Variants in GUSB observed in about 807,000 individuals in gnomAD.
GUSB encodes glucuronidase beta, also known as beta-glucuronidase.
A neutral mutation model predicts 74.6 loss-of-function variants in GUSB; 51 were observed. That is an observed-to-expected ratio of 0.68 (90% CI 0.55 to 0.86). The LOEUF is 0.86. Ranked by LOEUF, GUSB falls within the 40% of genes least tolerant of loss-of-function variation. The probability of loss-of-function intolerance (pLI) is 0.00; values close to 1 mark genes in which losing one functional copy is unlikely to be tolerated. For synonymous variants in GUSB, 360 were observed against 348.3 expected (o/e 1.03, Z -0.37); for missense variants, 736 against 853.7 (o/e 0.86, Z 1.72).
rs1258230012 is a variant in GUSB, at chr7:65,965,941, C to T, written c.1654-1483G>A. 5.9e-5 allele frequency among the ~76,000 whole-genome samples: 9 copies of T among 152,128 alleles called. No individual in the cohort carries two copies. The South Asian group carries it at 6.2e-4, about 10-fold the overall frequency. On this transcript the variant is annotated intron_variant, in intron 10 of 11. Transcript: ENST00000304895. ...ATCCCAGCACTTTGGGAGGCCAAGG[C>T]GGGCGGATCACTTGAGGTCAGGAGT...
intron 9 of GUSB, among the ~76,000 whole-genome samples, chr7:65,969,558 G>A (rs1429313880): frequency 2.6e-5 from 4 of 151,922 alleles, no homozygotes; most frequent in East Asian, 3.9e-4. Flanking sequence ...TTAGCTAGGC[G>A]CAGTGGTGAA....
intron 10 of GUSB, among the ~76,000 whole-genome samples, 157 bp from the exon 11 acceptor site, chr7:65,964,615 G>A (rs1213478307): frequency 6.6e-6 from 1 of 151,916 alleles, no homozygotes; most frequent in African/African-American, 2.4e-5. Flanking sequence ...AAGACAGCCA[G>A]GGAATGATGT....
chr7:65,974,845 G>A, intron 6 of GUSB, 74 bp downstream of exon 6: 1 of 1,568,788 alleles, frequency 6.4e-7, no homozygotes, highest in Non-Finnish European at 8.8e-7. Flanking sequence ...GCCCTCAACT[G>A]CAGGACACAG....
chr7:65,966,388 G>C (rs1583895897), intron 10 of GUSB, among the ~76,000 whole-genome samples: 1 of 152,040 alleles, frequency 6.6e-6, no homozygotes, highest in African/African-American at 2.4e-5. Context: ...AGCTGGCTGG[G>C]GTGGGAATGA....
intron 11 of GUSB, among the ~76,000 whole-genome samples, chr7:65,961,616 T>C (rs182012880): frequency 6.2e-4 from 94 of 152,294 alleles, no homozygotes; most frequent in African/African-American, 2.2e-3. Context: ...ACGCCTGTAA[T>C]CCCAGTGCTT....
In GUSB at chr7:65,979,238, G is replaced by A. The variant is rs57096373; in HGVS notation, c.724+161C>T. 358 of 806,632 alleles carry A rather than the reference G, an allele frequency of 4.4e-4. 1 individual carries two copies. The African/African-American group carries it at 5.1e-3, about 12-fold the overall frequency. 50.0% of individuals were successfully genotyped at this position (806,632 alleles called of 1,614,324 possible). A position where few individuals can be genotyped will look rare whatever the true frequency, so the allele number is the denominator to read the frequency against. ...ACCACACGGGTGATTTTGGGAGCCC[G>A]TATCCGCTCACACAGGCTGAATTTT... is the stretch of plus-strand genomic sequence containing the variant. On this transcript the variant is annotated intron_variant, in intron 4 of 11. Transcript: ENST00000304895.
At chr7:65,972,262 A>G (rs573631995) in intron 8 of GUSB, among the ~76,000 whole-genome samples, 1 of 151,950 alleles carries the variant, frequency 6.6e-6, no homozygotes, top group Non-Finnish European at 1.5e-5. Context: ...CCTGGGCTCA[A>G]GCAATTCTCC....
chr7:65,974,792 G>A lies in GUSB; in HGVS notation c.1066-88C>T, dbSNP rs1198888327. 3 of 1,554,648 alleles carry A rather than the reference G, an allele frequency of 1.9e-6. No homozygotes were observed. In the East Asian group the frequency reaches 6.7e-5, roughly 35 times the overall value. The stretch of plus-strand genomic sequence containing the variant: ...AGGACCCTGGAGAGCCACCCCATGA[G>A]CCCCCTCTCCATTTGGAGCCATTTG... On this transcript the variant is annotated intron_variant, in intron 6 of 11. Coordinates refer to ENST00000304895, the MANE Select transcript of GUSB (RefSeq NM_000181.4).
At chr7:65,979,694 G>A (rs756936015) in intron 3 of GUSB, 33 bp downstream of exon 3, 13 of 1,604,204 alleles carry the variant, frequency 8.1e-6, no homozygotes, top group Non-Finnish European at 1.1e-5. Context: ...GCGGGAAGGT[G>A]GGTGTGTGCA....
At chr7:65,972,154 G>C (rs991830661) in intron 8 of GUSB, among the ~76,000 whole-genome samples, 2 of 152,124 alleles carry the variant, frequency 1.3e-5, no homozygotes, top group Admixed American at 1.3e-4. Context: ...CCACAGTACA[G>C]ACTGTTTTTG....
chr7:65,967,970 A>G (rs1159050077), intron 9 of GUSB, 63 bp from the exon 10 acceptor site: 1 of 1,349,580 alleles, frequency 7.4e-7, no homozygotes. Flanking sequence ...GCATTCACAC[A>G]CTGCGGGGGC....
At chr7:65,976,929 T>C (rs1005341953) in intron 4 of GUSB, among the ~76,000 whole-genome samples, 2 of 151,876 alleles carry the variant, frequency 1.3e-5, no homozygotes, top group Admixed American at 1.3e-4. Context: ...GAAGTGACCG[T>C]GTCCCTCAGA....
At chr7:65,974,495 C>T (rs200990109) in intron 7 of GUSB, 31 bp downstream of exon 7, 1 of 1,614,044 alleles carries the variant, frequency 6.2e-7, no homozygotes, top group Non-Finnish European at 8.5e-7. Context: ...CCGGGCTGGG[C>T]AGGCGGAGCA....
intron 4 of GUSB, among the ~76,000 whole-genome samples, chr7:65,978,474 AC>A (rs1293568715): frequency 3.3e-5 from 5 of 151,224 alleles, no homozygotes; most frequent in Admixed American, 1.3e-4. Context: ...AACAAAAAAA[AC>A]AGGGTATCCC....
chr7:65,961,162 CTTTT>C (rs1219469323), intron 11 of GUSB, 99 bp from the exon 12 acceptor site: 2 of 1,153,692 alleles, frequency 1.7e-6, no homozygotes, highest in East Asian at 4.7e-5. Context: ...ATAGAAATGT[CTTTT>C]TTTTTCTTTT....
In GUSB at chr7:65,976,074, C is replaced by T; in HGVS notation, c.853G>A (p.Val285Ile). The part of the protein sequence containing the change: ...GTQGQLKVPG[V>I]SLWWPYLMHE... Reference sequence around the variant, plus strand: ...ATCAGGTACGGCCACCAGAGGCTGACACCTGGCACCTTAAGTTGGCCCTGG... The same window carrying T: ...ATCAGGTACGGCCACCAGAGGCTGATACCTGGCACCTTAAGTTGGCCCTGG... The change falls in exon 5 of 12, where the codon GTC becomes ATC. Residue 285 changes from valine to isoleucine, a missense_variant. Transcript: ENST00000304895. The T allele has an allele frequency of 6.2e-7, 1 of 1,613,954 alleles. No individual in the cohort carries two copies. The highest frequency in any genetic ancestry group is 1.1e-5 in the South Asian group (1 of 91,088).
chr7:65,964,189 G>A (rs190212577), intron 11 of GUSB, 134 bp downstream of exon 11: 63 of 873,948 alleles, frequency 7.2e-5, no homozygotes, highest in African/African-American at 5.3e-4. Flanking sequence ...AATTCTCAAC[G>A]CAACCTACAT....
rs766837276 is a variant in GUSB at position 65,976,045 on chromosome 7, G to A, written c.882C>T (p.His294=). ...GVSLWWPYLM[H]ERPAYLYSLE... is the part of the protein sequence containing the mutation. ...ATGAATACAGATAGGCAGGGCGTTC[G>A]TGCATCAGGTACGGCCACCAGAGGC... is the stretch of plus-strand genomic sequence containing the variant. The change falls in exon 5 of 12, where the codon CAC becomes CAT. Residue 294 remains histidine, a synonymous_variant. Transcript: ENST00000304895. The A allele has an allele frequency of 7.4e-6, 12 of 1,613,644 alleles. No homozygotes were observed. Among genetic ancestry groups the A allele is most frequent in the African/African-American group, 6.7e-5 (5 of 74,882 alleles).
rs1461366611 is a variant in GUSB, at chr7:65,963,221, C to T, written c.1789+1102G>A. Among the ~76,000 whole-genome samples, 4 of 152,106 alleles carry T rather than the reference C, an allele frequency of 2.6e-5. No individual in the cohort carries two copies. The East Asian group carries it at 7.7e-4, about 29-fold the overall frequency. On this transcript the variant is annotated intron_variant, in intron 11 of 11. Transcript: ENST00000304895. ...CCACAAAACTGCCATCAGGGATGTC[C>T]CCAGAAACCATTTATCACAGGTGCC... is the stretch of plus-strand genomic sequence containing the variant.
Sources: allele counts gnomAD v4.1 joint callset (sites outside exome capture counted in the v4.1 genomes callset), GRCh38; gene constraint gnomAD v4.1.1; transcripts MANE v1.5; gene names NCBI Gene and HGNC (gene_info 2026-07-23, HGNC 2026-07-21).